Variants in RMP64 observed in about 807,000 individuals in gnomAD.
The protein encoded by RMP64 is ribonuclease MRP subunit p64.
chr3:113,019,645 C>G, the RMP64 span: 1 of 1,612,666 alleles, frequency 6.2e-7, no homozygotes. Flanking sequence ...CCGCAGCCAT[C>G]ATGCGAGGCG....
At chr3:113,008,679 C>T in the RMP64 span, 2 of 321,846 alleles carry the variant, frequency 6.2e-6, no homozygotes, top group Non-Finnish European at 1.1e-5. Context: ...AAAAAAAAAT[C>T]AGTCTGTAAG....
At chr3:113,009,970 T>TAAA in the RMP64 span, among the ~76,000 whole-genome samples, 2 of 144,114 alleles carry the variant, frequency 1.4e-5, no homozygotes, top group Non-Finnish European at 3.0e-5. Context: ...AAGACAGGGT[T>TAAA]AAAAAAAAAA....
the RMP64 span, chr3:113,019,147 G>C: frequency 4.6e-6 from 1 of 219,036 alleles, no homozygotes; most frequent in East Asian, 1.5e-4. Context: ...ACCGCTCCTC[G>C]GGTACAGGAA....
chr3:113,011,372 A>C, the RMP64 span: 2 of 1,597,196 alleles, frequency 1.3e-6, no homozygotes, highest in Non-Finnish European at 1.7e-6. Flanking sequence ...TCATATAACA[A>C]AATCAACCTT....
chr3:113,017,183 G>A, the RMP64 span, among the ~76,000 whole-genome samples: 1 of 151,998 alleles, frequency 6.6e-6, no homozygotes, highest in Non-Finnish European at 1.5e-5. Flanking sequence ...ATATAATGAA[G>A]AAAATGTTTA....
the RMP64 span, among the ~76,000 whole-genome samples, chr3:113,015,698 A>G: frequency 6.6e-6 from 1 of 152,194 alleles, no homozygotes; most frequent in African/African-American, 2.4e-5. Flanking sequence ...AGGCAGTAGT[A>G]GAAGTGGTAA....
chr3:113,015,840 G>A, the RMP64 span, among the ~76,000 whole-genome samples: 627 of 147,278 alleles, frequency 4.3e-3, 6 homozygotes, highest in African/African-American at 0.015. Context: ...CAAAGAGGAG[G>A]CCCAAATAGC....
chr3:113,008,199 G>A, the RMP64 span: 2 of 1,613,978 alleles, frequency 1.2e-6, no homozygotes, highest in Non-Finnish European at 1.7e-6. Flanking sequence ...AGATGTTTAA[G>A]CCGGTTGCTT....
chr3:113,013,602 T>C, the RMP64 span, among the ~76,000 whole-genome samples: 5 of 152,280 alleles, frequency 3.3e-5, no homozygotes, highest in Middle Eastern at 6.8e-3. Context: ...CATTTTCAGC[T>C]ATGTGCAAGC....
the RMP64 span, chr3:113,005,859 A>C: frequency 3.2e-5 from 52 of 1,613,662 alleles, no homozygotes; most frequent in Non-Finnish European, 4.3e-5. Flanking sequence ...GTCGACTGCA[A>C]CTTTCTCTGT....
At chr3:113,013,217 A>AT in the RMP64 span, 6 of 1,585,154 alleles carry the variant, frequency 3.8e-6, no homozygotes, top group Admixed American at 8.5e-5. Flanking sequence ...ACTGTTAAAA[A>AT]TATCCAAACA....
the RMP64 span, chr3:113,019,655 G>T: frequency 2.5e-6 from 4 of 1,609,224 alleles, no homozygotes; most frequent in Non-Finnish European, 3.4e-6. Flanking sequence ...CATGCGAGGC[G>T]GGGGGACTTA....
chr3:113,011,750 T>C, the RMP64 span, among the ~76,000 whole-genome samples: 1 of 152,188 alleles, frequency 6.6e-6, no homozygotes, highest in Admixed American at 6.5e-5. Flanking sequence ...ACATTTCTCT[T>C]TTTAAATTTC....
chr3:113,017,670 A>G, the RMP64 span: 1 of 1,379,934 alleles, frequency 7.2e-7, no homozygotes, highest in Non-Finnish European at 1.0e-6. Context: ...TTAAAAACAC[A>G]CTAAAAAAAG....
At chr3:113,008,840 T>C in the RMP64 span, 1 of 168,510 alleles carries the variant, frequency 5.9e-6, no homozygotes, top group Non-Finnish European at 1.3e-5. Flanking sequence ...TTAACATAAA[T>C]ATCCTAACAC....
the RMP64 span, among the ~76,000 whole-genome samples, chr3:113,018,614 G>A: frequency 1.3e-5 from 2 of 152,136 alleles, no homozygotes; most frequent in African/African-American, 4.8e-5. Flanking sequence ...AGAGGGATGA[G>A]GAAAGGGCTT....
chr3:113,007,158 T>C, the RMP64 span, among the ~76,000 whole-genome samples: 3 of 152,124 alleles, frequency 2.0e-5, no homozygotes, highest in Non-Finnish European at 4.4e-5. Flanking sequence ...TCTCCAGCCA[T>C]AGGATACATC....
chr3:113,019,511 T>A, the RMP64 span: 2 of 1,560,270 alleles, frequency 1.3e-6, no homozygotes, highest in Non-Finnish European at 1.8e-6. Flanking sequence ...CCCGGAAACG[T>A]TCCCCCATCC....
the RMP64 span, among the ~76,000 whole-genome samples, chr3:113,015,850 C>G: frequency 2.8e-5 from 4 of 143,964 alleles, no homozygotes; most frequent in Middle Eastern, 3.6e-3. Context: ...GCCCAAATAG[C>G]CAAGAATTTA....
Sources: gnomAD v4.1 joint callset for allele counts (sites outside exome capture counted in the v4.1 genomes callset) on GRCh38, gnomAD v4.1.1 for gene constraint, MANE v1.5 for transcripts, NCBI Gene and HGNC (gene_info 2026-07-23, HGNC 2026-07-21) for gene names.